The following TTC28 variants were observed in gnomAD, a reference collection of about 807,000 sequenced individuals.
The protein encoded by TTC28 is tetratricopeptide repeat protein 28.
A neutral mutation model predicts 198.0 loss-of-function variants in TTC28; 61 were observed. That is an observed-to-expected ratio of 0.31 (90% CI 0.25 to 0.38). TTC28 has a LOEUF of 0.38. Among genes scored for constraint, TTC28 ranks in the 10% least tolerant of loss-of-function variants. TTC28 has a pLI of 1.00. For synonymous variants in TTC28, 1,171 were observed against 1,297.8 expected (o/e 0.90, Z 2.10); for missense variants, 2,678 against 3,164.0 (o/e 0.85, Z 3.69).
intron 2 of TTC28, among the ~76,000 whole-genome samples, chr22:28,473,791 CTAATA>C (rs1413147801): frequency 2.6e-5 from 4 of 152,150 alleles, no homozygotes; most frequent in Admixed American, 1.3e-4. Context: ...GAGCCCTAAT[CTAATA>C]TGATTGTTGT....
At chr22:28,584,127 A>C (rs2050275516) in intron 2 of TTC28, among the ~76,000 whole-genome samples, 1 of 151,604 alleles carries the variant, frequency 6.6e-6, no homozygotes, top group African/African-American at 2.4e-5. Context: ...CTACAGGCAC[A>C]TTCTTTTCTC....
chr22:28,255,681 C>CAA (rs134192), intron 5 of TTC28, among the ~76,000 whole-genome samples: 170 of 114,730 alleles, frequency 1.5e-3, no homozygotes, highest in African/African-American at 4.8e-3. Context: ...AACTCCGTCT[C>CAA]AAAAAAAAAA....
rs5762715 is a variant in TTC28 at position 28,611,014 on chromosome 22, G to A, written c.381+18538C>T. Among the ~76,000 whole-genome samples the A allele has an allele frequency of 7.6e-3, 1,159 of 152,132 alleles. 18 individuals carry two copies. Among genetic ancestry groups the A allele is most frequent in the African/African-American group, 0.026 (1,068 of 41,498 alleles). On this transcript the variant is annotated intron_variant, in intron 2 of 22. Transcript: ENST00000397906. ...TTAATGAAATAAAGTGAGAAGACAAGATTAGAGAAAAAAGAAGGAAAAGGA... is the reference window on the plus strand; with the variant it reads ...TTAATGAAATAAAGTGAGAAGACAAAATTAGAGAAAAAAGAAGGAAAAGGA...
chr22:28,417,050 T>C (rs931945466), intron 2 of TTC28, among the ~76,000 whole-genome samples: 1 of 152,066 alleles, frequency 6.6e-6, no homozygotes, highest in African/African-American at 2.4e-5. Flanking sequence ...GCTTGCACAA[T>C]TCCAATGAGA....
intron 12 of TTC28, among the ~76,000 whole-genome samples, chr22:28,046,236 C>T (rs1939857118): frequency 6.6e-6 from 1 of 152,196 alleles, no homozygotes; most frequent in Admixed American, 6.5e-5. Flanking sequence ...AATACAGTCA[C>T]ATGCCATTTA....
intron 2 of TTC28, among the ~76,000 whole-genome samples, chr22:28,573,502 A>G (rs2050095568): frequency 6.6e-6 from 1 of 152,004 alleles, no homozygotes; most frequent in Admixed American, 6.6e-5. Flanking sequence ...GAAGCAATAA[A>G]GAACAGAAAA....
intron 5 of TTC28, among the ~76,000 whole-genome samples, chr22:28,207,492 A>T (rs73882709): frequency 0.082 from 12,549 of 152,126 alleles, 585 homozygotes; most frequent in African/African-American, 0.098. Flanking sequence ...ACAAGTTACT[A>T]ATCCTTCCGG....
chr22:28,648,686 A>G (rs2051518063), intron 1 of TTC28, among the ~76,000 whole-genome samples: 1 of 152,324 alleles, frequency 6.6e-6, no homozygotes, highest in Admixed American at 6.5e-5. Context: ...AGGTGGGTGG[A>G]TCACCTGAGC....
intron 16 of TTC28, chr22:27,997,923 T>G (rs912109883): frequency 2.0e-5 from 3 of 152,688 alleles, no homozygotes; most frequent in African/African-American, 7.2e-5. Flanking sequence ...TCAGGAGGGG[T>G]GCCTGCCTTC....
chr22:28,231,474 T>A (rs550828097), intron 5 of TTC28, among the ~76,000 whole-genome samples: 260 of 152,344 alleles, frequency 1.7e-3, no homozygotes, highest in African/African-American at 6.0e-3. Context: ...TCAAAATATA[T>A]AATTTGCATC....
At chr22:27,998,319 G>A (rs1014210769) in intron 16 of TTC28, 6 of 738,562 alleles carry the variant, frequency 8.1e-6, no homozygotes, top group Non-Finnish European at 1.1e-5. Context: ...TACACTCATG[G>A]CAAATGGTTC....
chr22:28,022,946 T>G (rs959318931), intron 13 of TTC28, among the ~76,000 whole-genome samples: 1 of 152,232 alleles, frequency 6.6e-6, no homozygotes, highest in Non-Finnish European at 1.5e-5. Context: ...TGCAATAAGC[T>G]GCGGGCGCTT....
rs915318434 is a variant in TTC28 at position 28,292,680 on chromosome 22, C to A, written c.933+3518G>T. 4.6e-5 allele frequency among the ~76,000 whole-genome samples: 7 copies of A among 152,232 alleles called. No homozygotes were observed. In the South Asian group the frequency reaches 6.2e-4, roughly 14 times the overall value. ...GTTTAGGATCACATTCCAAGTTTCA[C>A]CTGTTTCACAAAGCTTCCTCAAGTT... On this transcript the variant is annotated intron_variant, in intron 5 of 22. Coordinates refer to ENST00000397906, the MANE Select transcript of TTC28 (RefSeq NM_001145418.2).
chr22:28,617,238 C>T (rs919806894), intron 2 of TTC28, among the ~76,000 whole-genome samples: 8 of 151,086 alleles, frequency 5.3e-5, no homozygotes, highest in Admixed American at 5.3e-4. Flanking sequence ...TGGTGGCTCA[C>T]GCCTGTAATC....
At chr22:27,997,372 T>G (rs1937570940) in intron 16 of TTC28, 1 of 152,236 alleles carries the variant, frequency 6.6e-6, no homozygotes, top group African/African-American at 2.4e-5. Context: ...ACTACAGTTG[T>G]GTTTGTAAAG....
chr22:28,091,447 C>T (rs373070337), intron 12 of TTC28, among the ~76,000 whole-genome samples: 4 of 152,176 alleles, frequency 2.6e-5, no homozygotes, highest in East Asian at 1.9e-4. Flanking sequence ...AGGGAGAGGC[C>T]ACCTTCACAT....
At chr22:28,112,969 C>T (rs1942526968) in intron 6 of TTC28, among the ~76,000 whole-genome samples, 1 of 152,176 alleles carries the variant, frequency 6.6e-6, no homozygotes, top group South Asian at 2.1e-4. Flanking sequence ...ATGGTCACTG[C>T]CATGGGAATA....
intron 2 of TTC28, among the ~76,000 whole-genome samples, chr22:28,387,064 A>G (rs1250241614): frequency 3.3e-5 from 5 of 151,896 alleles, no homozygotes; most frequent in Admixed American, 2.0e-4. Flanking sequence ...TCATTGTTCA[A>G]TTCCCACCTA....
At chr22:28,600,912 G>A (rs147126983) in intron 2 of TTC28, among the ~76,000 whole-genome samples, 1 of 152,086 alleles carries the variant, frequency 6.6e-6, no homozygotes, top group African/African-American at 2.4e-5. Context: ...CTAGAAATCA[G>A]ATCACTGCTT....
Sources: gnomAD v4.1 joint callset for allele counts (sites outside exome capture counted in the v4.1 genomes callset) on GRCh38, gnomAD v4.1.1 for gene constraint, MANE v1.5 for transcripts, NCBI Gene and HGNC (gene_info 2026-07-23, HGNC 2026-07-21) for gene names.